Variants in TNS2 observed in about 807,000 individuals in gnomAD.
TNS2 encodes tensin-2.
TNS2 carries 77 observed loss-of-function variants against 155.7 expected under a neutral mutation model. The ratio of observed to expected loss-of-function variants is 0.49; its 90% CI spans 0.41 to 0.60. The LOEUF (loss-of-function observed/expected upper bound fraction) is 0.60. Ranked by LOEUF, TNS2 falls within the 20% of genes least tolerant of loss-of-function variation. The pLI, the probability that TNS2 is intolerant of heterozygous loss-of-function variation, is 0.00. For synonymous variants in TNS2, 726 were observed against 763.9 expected (o/e 0.95, Z 0.82); for missense variants, 1,703 against 1,868.8 (o/e 0.91, Z 1.64).
intron 10 of TNS2, chr12:53,056,430 G>A (rs1436206057): frequency 6.5e-6 from 1 of 153,656 alleles, no homozygotes; most frequent in African/African-American, 2.4e-5. Context: ...GAGGCCAGAA[G>A]CCCCAAACCA....
intron 1 of TNS2, among the ~76,000 whole-genome samples, chr12:53,051,172 G>C (rs1749919440): frequency 6.6e-6 from 1 of 152,210 alleles, no homozygotes; most frequent in Non-Finnish European, 1.5e-5. Flanking sequence ...CCAAGTGCCA[G>C]GGTGCAGGGG....
rs745787022 is a variant in TNS2 at position 53,057,555 on chromosome 12, G to T, written c.846-12G>T. 3 of 1,596,858 alleles carry T rather than the reference G, an allele frequency of 1.9e-6. No individual in the cohort carries two copies. The highest frequency in any genetic ancestry group is 2.2e-5 in the East Asian group (1 of 44,592). The stretch of plus-strand genomic sequence containing the variant: ...AAAAGGCTTATGTTCTCCTTGACAC[G>T]CCCTCCACCAGATATATCAGCTACT... On this transcript the variant is annotated splice_polypyrimidine_tract_variant and intron_variant, in intron 11 of 28. Transcript: ENST00000314250.
chr12:53,050,041 G>T, upstream of TNS2: 2 of 1,472,382 alleles, frequency 1.4e-6, no homozygotes. This position sits in a 1 kb window ranked among gnomAD's most constrained non-coding sequence, Gnocchi z 4.7. Flanking sequence ...CACTTCCAGG[G>T]CCGGGCTTCT....
Position 53,058,840 on chromosome 12 carries a change from C to T in TNS2, c.1405+13C>T. The T allele has an allele frequency of 6.2e-7, 1 of 1,611,864 alleles. No homozygotes were observed. Among genetic ancestry groups the T allele is most frequent in the South Asian group, 1.1e-5 (1 of 91,048 alleles). On this transcript the variant is annotated intron_variant, in intron 17 of 28. Transcript: ENST00000314250. ...GACAGTGTGGATGGTGCGCAGGCAG[C>T]CTGCAGGGTGGGAGGTACAGGGTTG...
At chr12:53,054,573 G>C in intron 7 of TNS2, 132 bp downstream of exon 7, 1 of 1,192,404 alleles carries the variant, frequency 8.4e-7, no homozygotes, top group Non-Finnish European at 1.1e-6. Context: ...GGTGGGGGCG[G>C]GGCCCGGAGC....
Position 53,061,372 on chromosome 12 carries a change from T to C in TNS2, c.3359-8T>C, listed in dbSNP as rs1565612447. 6.2e-7 allele frequency: 1 copy of C among 1,614,006 alleles called. No individual in the cohort carries two copies. The highest frequency in any genetic ancestry group is 8.5e-7 in the Non-Finnish European group (1 of 1,179,948). ...CTGGGGTCTGAACCTACTCCCTCCC[T>C]GTCCTAGAGCCTCCTACACAAGAGA... On this transcript the variant is annotated splice_polypyrimidine_tract_variant and splice_region_variant and intron_variant, in intron 20 of 28. Transcript: ENST00000314250.
chr12:53,059,858 G>T lies in TNS2; in HGVS notation c.2217G>T (p.Leu739Phe), dbSNP rs1197797523. 9 of 1,612,840 alleles carry T rather than the reference G, an allele frequency of 5.6e-6. No homozygotes were observed. The highest frequency in any genetic ancestry group is 4.4e-5 in the South Asian group (4 of 91,082). ...CTGGGCACCCGCTGCCTCTGCTCTT[G>T]CCTGCCTGTGGGCATCACCATGCCC... is the stretch of plus-strand genomic sequence containing the variant. ...VRPGHPLPLL[L>F]PACGHHHAPM... The change falls in exon 18 of 29, where the codon TTG becomes TTT. Residue 739 changes from leucine (L) to phenylalanine (F), a missense_variant. Leu to Phe is a conservative substitution (Grantham distance 22). Transcript: ENST00000314250. This position sits in a 1 kb window ranked among gnomAD's most constrained non-coding sequence, Gnocchi z 4.7.
At chr12:53,058,879 G>T (rs552978143) in intron 17 of TNS2, 52 bp downstream of exon 17, 23 of 1,594,336 alleles carry the variant, frequency 1.4e-5, no homozygotes, top group East Asian at 2.2e-5. Flanking sequence ...CGGGACCCTG[G>T]GGGGTGGTGC....
intron 7 of TNS2, among the ~76,000 whole-genome samples, chr12:53,054,676 T>C (rs1944077012): frequency 6.6e-6 from 1 of 151,996 alleles, no homozygotes; most frequent in Non-Finnish European, 1.5e-5. Flanking sequence ...TTTTCTTTAT[T>C]TATTTACCTT....
intron 8 of TNS2, 37 bp downstream of exon 8, chr12:53,055,273 G>C (rs1260835860): frequency 1.9e-6 from 3 of 1,608,744 alleles, no homozygotes. Flanking sequence ...ATTAAACCAA[G>C]CCACCCCAAC....
chr12:53,061,862 G>C lies in TNS2; in HGVS notation c.3496G>C (p.Asp1166His). The C allele has an allele frequency of 6.2e-7, 1 of 1,613,836 alleles. No individual in the cohort carries two copies. The highest frequency in any genetic ancestry group is 8.5e-7 in the Non-Finnish European group (1 of 1,180,012). ...DKDPGAFLIRDSHSFQGAYGL... is the reference protein window; with the variant it reads ...DKDPGAFLIRHSHSFQGAYGL... ...GGACCCTGGGGCCTTCCTGATCAGG[G>C]ACAGTCATTCATTCCAAGGAGCTTA... is the stretch of plus-strand genomic sequence containing the variant. Residue 1166 changes from aspartate (D) to histidine (H), a missense_variant, in exon 22 of 29, where the codon GAC becomes CAC. Asp to His is a moderately conservative substitution (Grantham distance 81, BLOSUM62 -1). Coordinates refer to ENST00000314250, the MANE Select transcript of TNS2 (RefSeq NM_170754.4).
chr12:53,062,655 A>G lies in TNS2; in HGVS notation c.3781A>G (p.Thr1261Ala), dbSNP rs779771866. 6.2e-7 allele frequency: 1 copy of G among 1,614,016 alleles called. No homozygotes were observed. Among genetic ancestry groups the G allele is most frequent in the Admixed American group, 1.7e-5 (1 of 60,014 alleles). Residue 1261 changes from threonine (T) to alanine (A), a missense_variant, in exon 25 of 29, where the codon ACC becomes GCC. Transcript: ENST00000314250. ...AGAGACCCCAGAGGCTCCAGTGCCCACCAACATGAGCACAGCGGCAGACCT... is the reference window on the plus strand; with the variant it reads ...AGAGACCCCAGAGGCTCCAGTGCCCGCCAACATGAGCACAGCGGCAGACCT... Reference protein sequence around the residue: ...LEETPEAPVPTNMSTAADLLR... With the variant: ...LEETPEAPVPANMSTAADLLR...
chr12:53,062,270 G>C, intron 23 of TNS2, 25 bp downstream of exon 23: 1 of 1,613,530 alleles, frequency 6.2e-7, no homozygotes, highest in Non-Finnish European at 8.5e-7. Context: ...CCTGGGGAAG[G>C]CTACGTTGGG....
upstream of TNS2, chr12:53,049,234 A>G (rs1330733856): frequency 5.0e-6 from 8 of 1,606,968 alleles, no homozygotes; most frequent in South Asian, 2.2e-5. Flanking sequence ...GAGCAGACCC[A>G]GGAGAGCCAT....
rs11170388 is a variant in TNS2 at position 53,057,302 on chromosome 12, C to T, written c.845+206C>T. On this transcript the variant is annotated intron_variant, in intron 11 of 28. Coordinates refer to ENST00000314250, the MANE Select transcript of TNS2 (RefSeq NM_170754.4). ...GGCAGTAGACCTGGGAATAAATAGA[C>T]GAGGAGATCAGTCATAAAGAGAACC... 0.014 allele frequency among the ~76,000 whole-genome samples: 2,134 copies of T among 152,212 alleles called. 72 individuals are homozygous for T. The East Asian group carries it at 0.16, about 11-fold the overall frequency.
Position 53,061,488 on chromosome 12 carries a change from C to T in TNS2, c.3448+19C>T. The T allele has an allele frequency of 2.5e-6, 4 of 1,612,924 alleles. No homozygotes were observed. Among genetic ancestry groups the T allele is most frequent in the Non-Finnish European group, 3.4e-6 (4 of 1,178,990 alleles). On this transcript the variant is annotated intron_variant, in intron 21 of 28. Transcript: ENST00000314250. ...GACCAAGGTGAGAAGCCAGCCTGCC[C>T]CCACCCCACTGCATCCCACCTTCCA...
intron 20 of TNS2, 40 bp from the exon 21 acceptor site, chr12:53,061,340 G>A (rs750635163): frequency 2.9e-5 from 46 of 1,612,974 alleles, no homozygotes; most frequent in Middle Eastern, 3.3e-4. Context: ...ATGGGGACCC[G>A]GGTACCCTGG....
intron 25 of TNS2, 36 bp downstream of exon 25, chr12:53,062,733 G>A (rs1328618096): frequency 6.2e-7 from 1 of 1,605,242 alleles, no homozygotes; most frequent in Non-Finnish European, 8.5e-7. Flanking sequence ...CCCTCTCCCT[G>A]GGCACCAAGG....
chr12:53,061,833 A>C lies in TNS2; in HGVS notation c.3467A>C (p.Asp1156Ala). 6.2e-7 allele frequency: 1 copy of C among 1,613,266 alleles called. No individual in the cohort carries two copies. The highest frequency in any genetic ancestry group is 8.5e-7 in the Non-Finnish European group (1 of 1,179,734). ...CCTGCAGCCATTGCCCTGCTGAAGG[A>C]CAAGGACCCTGGGGCCTTCCTGATC... ...SRDQAIALLK[D>A]KDPGAFLIRD... The change falls in exon 22 of 29, where the codon GAC becomes GCC. Residue 1156 changes from aspartate (D) to alanine (A), a missense_variant. Transcript: ENST00000314250.
Sources: allele counts gnomAD v4.1 joint callset (sites outside exome capture counted in the v4.1 genomes callset), GRCh38; gene constraint gnomAD v4.1.1; non-coding constraint Gnocchi (gnomAD v3.1); transcripts MANE v1.5; gene names NCBI Gene and HGNC (gene_info 2026-07-23, HGNC 2026-07-21).